Variants in SAMD11 observed in about 807,000 individuals in gnomAD.
SAMD11 encodes the protein sterile alpha motif domain containing 11.
SAMD11 carries 77 observed loss-of-function variants against 64.4 expected under a neutral mutation model. The ratio of observed to expected loss-of-function variants is 1.20; its 90% CI spans 0.99 to 1.44. SAMD11 has a LOEUF of 1.44. Among genes scored for constraint, SAMD11 ranks in the 40% most tolerant of loss-of-function variants. SAMD11 has a pLI of 0.00. For synonymous variants in SAMD11, 658 were observed against 421.9 expected (o/e 1.56, Z -6.86); for missense variants, 1,402 against 943.3 (o/e 1.49, Z -6.37).
At chr1:935,714 C>G (rs1473837186) in intron 4 of SAMD11, 58 bp from the exon 5 acceptor site, 3 of 1,607,466 alleles carry the variant, frequency 1.9e-6, no homozygotes, top group Non-Finnish European at 2.6e-6. Flanking sequence ...TGTGCCCAGG[C>G]TGGGCTCCAG....
chr1:936,524 T>G (rs1291563041), intron 5 of SAMD11, among the ~76,000 whole-genome samples: 1 of 152,028 alleles, frequency 6.6e-6, no homozygotes, highest in Non-Finnish European at 1.5e-5. Context: ...TGGTCACAGT[T>G]GTGGGGGGAC....
In SAMD11 at chr1:930,230, A is replaced by G. The variant is rs1365703744; in HGVS notation, c.685A>G (p.Ser229Gly). ...GAACCTGAAGAAGGAGCGAACTCCC[A>G]GCTTCTCTGCCAGCGATGGTGACAG... ...ARNLKKERTP[S>G]FSASDGDSDG... Residue 229 changes from serine (S) to glycine (G), a missense_variant, in exon 3 of 14, where the codon AGC (serine) becomes GGC (glycine). Physicochemically the swap from Ser to Gly is moderately conservative, Grantham distance 56. Coordinates refer to ENST00000616016, the MANE Select transcript of SAMD11 (RefSeq NM_001385641.1). The G allele has an allele frequency of 1.9e-6, 3 of 1,595,184 alleles. No homozygotes were observed. In the African/African-American group the frequency reaches 4.0e-5, roughly 21 times the overall value.
chr1:942,647 A>G lies in SAMD11; in HGVS notation c.1642A>G (p.Asn548Asp). Residue 548 changes from asparagine (N) to aspartate (D), a missense_variant, in exon 11 of 14, where the codon AAC becomes GAC. Asn to Asp is a conservative substitution (Grantham distance 23). Transcript: ENST00000616016. ...GGCGCCCGAGACCGCCCTGCGCCCC[A>G]ACGACGGCGCCGAGGAGCTGCAGCG... is the stretch of plus-strand genomic sequence containing the variant. The part of the protein sequence containing the change: ...LLAPETALRP[N>D]DGAEELQRRG... 1 of 1,437,104 alleles carries G rather than the reference A, an allele frequency of 7.0e-7. No individual in the cohort carries two copies. Among genetic ancestry groups the G allele is most frequent in the African/African-American group, 1.5e-5 (1 of 66,842 alleles). The allele number at this position is 1,437,104 out of a possible 1,614,324, so 89.0% of individuals were successfully genotyped here. A position where few individuals can be genotyped will look rare whatever the true frequency, so the allele number is the denominator to read the frequency against.
chr1:935,641 TG>T lies in SAMD11; in HGVS notation c.843-128del, dbSNP rs369150907. 78 of 1,257,324 alleles carry T rather than the reference TG, an allele frequency of 6.2e-5. No homozygotes were observed. The African/African-American group carries it at 1.0e-3, about 17-fold the overall frequency. The allele number at this position is 1,257,324 out of a possible 1,614,324, so 77.9% of individuals were successfully genotyped here. ...GCGTCACGGGCCACATGCCGAGGCG[TG>T]GGCACAGCAACGTGGCACTCAGAGG... On this transcript the variant is annotated intron_variant, in intron 4 of 13. Transcript: ENST00000616016.
chr1:937,464 G>C (rs1168122232), intron 5 of SAMD11, among the ~76,000 whole-genome samples: 2 of 151,562 alleles, frequency 1.3e-5, no homozygotes, highest in Non-Finnish European at 2.9e-5. Flanking sequence ...GAACGGAGAG[G>C]GTAGTTTCCA....
intron 4 of SAMD11, among the ~76,000 whole-genome samples, chr1:932,856 C>G (rs867345125): frequency 3.9e-5 from 6 of 152,240 alleles, no homozygotes; most frequent in Non-Finnish European, 8.8e-5. Context: ...AGATGCTCCT[C>G]GAGCCATTGT....
At position 943,246 on chromosome 1, in the gene SAMD11, A is replaced by T; in HGVS notation, c.2054-7A>T. ...CCAGAGCCCTAGTAACACGCCCCACAACTCAGGCGCGGTAGGGGGACTCTC... is the reference window on the plus strand; with the variant it reads ...CCAGAGCCCTAGTAACACGCCCCACTACTCAGGCGCGGTAGGGGGACTCTC... On this transcript the variant is annotated splice_region_variant and splice_polypyrimidine_tract_variant and intron_variant, in intron 11 of 13. Transcript: ENST00000616016. 6.2e-7 allele frequency: 1 copy of T among 1,612,780 alleles called. No homozygotes were observed. Among genetic ancestry groups the T allele is most frequent in the Non-Finnish European group, 8.5e-7 (1 of 1,179,808 alleles).
Position 933,354 on chromosome 1 carries a change from A to C in SAMD11, c.842+2265A>C, listed in dbSNP as rs895403861. ...CTCAGGAGCAAACTCCAAGGCAGAG[A>C]CCAGGGGCGGGGAGGGCAGGTGGCA... On this transcript the variant is annotated intron_variant, in intron 4 of 13. Transcript: ENST00000616016. 6.6e-5 allele frequency among the ~76,000 whole-genome samples: 10 copies of C among 152,222 alleles called. No homozygotes were observed. In the East Asian group the frequency reaches 1.9e-3, roughly 29 times the overall value.
Position 942,990 on chromosome 1 carries a change from A to C in SAMD11, c.1985A>C (p.Lys662Thr). The part of the protein sequence containing the change: ...APAGGAGAEG[K>T]GLFPGSTLPL... The stretch of plus-strand genomic sequence containing the variant: ...GCTGGAGGGGCCGGCGCCGAGGGGA[A>C]GGGGCTTTTCCCAGGGTCCACACTG... The change falls in exon 11 of 14, where the codon AAG (lysine) becomes ACG (threonine). Residue 662 changes from lysine (K) to threonine (T), a missense_variant. Physicochemically the swap from Lys to Thr is moderately conservative, Grantham distance 78 (BLOSUM62 -1). Transcript: ENST00000616016. 2 of 1,538,834 alleles carry C rather than the reference A, an allele frequency of 1.3e-6. No individual in the cohort carries two copies. Among genetic ancestry groups the C allele is most frequent in the Non-Finnish European group, 1.7e-6 (2 of 1,145,996 alleles).
Position 939,382 on chromosome 1 carries a change from C to G in SAMD11, c.1165C>G (p.Arg389Gly). 6.2e-7 allele frequency: 1 copy of G among 1,612,704 alleles called. No homozygotes were observed. The highest frequency in any genetic ancestry group is 2.2e-5 in the East Asian group (1 of 44,866). Residue 389 changes from arginine to glycine, a missense_variant, in exon 7 of 14, where the codon CGC becomes GGC. Coordinates refer to ENST00000616016, the MANE Select transcript of SAMD11 (RefSeq NM_001385641.1). ...GGCCAGCACCTTTGAGGACCCTCAG[C>G]GCCTCTACCACCTGGGCCTCCCCAG... ...SEASTFEDPQ[R>G]LYHLGLPSHD...
intron 1 of SAMD11, among the ~76,000 whole-genome samples, chr1:925,398 A>T (rs61338526): frequency 6.7e-6 from 1 of 150,016 alleles, no homozygotes; most frequent in Non-Finnish European, 1.5e-5. Flanking sequence ...GCCAGGTCAC[A>T]CAACCTGTTT....
At chr1:928,126 G>A (rs1228610478) in intron 2 of SAMD11, among the ~76,000 whole-genome samples, 4 of 152,202 alleles carry the variant, frequency 2.6e-5, no homozygotes, top group Admixed American at 6.5e-5. Flanking sequence ...GGGTGTGGTG[G>A]CGCATGCCTG....
At chr1:928,136 G>A (rs1640984131) in intron 2 of SAMD11, among the ~76,000 whole-genome samples, 2 of 152,226 alleles carry the variant, frequency 1.3e-5, no homozygotes, top group South Asian at 2.1e-4. Flanking sequence ...GCGCATGCCT[G>A]TAATCCCAGC....
rs1384031061 is a variant in SAMD11, at chr1:939,264, C to T, written c.1058-11C>T. ...CTGGAGAAACCTCTCACCCCGGGTC[C>T]TCCCCAGCAGAGGCGCTGCTGCTGC... On this transcript the variant is annotated splice_polypyrimidine_tract_variant and intron_variant, in intron 6 of 13. Coordinates refer to ENST00000616016, the MANE Select transcript of SAMD11 (RefSeq NM_001385641.1). The T allele has an allele frequency of 1.3e-6, 2 of 1,587,150 alleles. No homozygotes were observed. The highest frequency in any genetic ancestry group is 1.1e-5 in the South Asian group (1 of 87,486).
In SAMD11 at chr1:942,470, G is replaced by A. The variant is rs766527634; in HGVS notation, c.1535G>A (p.Arg512Gln). 9.1e-5 allele frequency: 136 copies of A among 1,487,234 alleles called. No homozygotes were observed. The highest frequency in any genetic ancestry group is 1.5e-5 in the African/African-American group (1 of 68,756). The allele number at this position is 1,487,234 out of a possible 1,614,324, so 92.1% of individuals were successfully genotyped here. A position where few individuals can be genotyped will look rare whatever the true frequency, so the allele number is the denominator to read the frequency against. The change falls in exon 10 of 14, where the codon CGG becomes CAG. Residue 512 changes from arginine to glutamine, a missense_variant. Transcript: ENST00000616016. ...EMFAWQQELL[R>Q]KQNLARLELP... Reference sequence around the variant, plus strand: ...TTCGCCTGGCAGCAGGAGCTCCTGCGGAAGCAGAACCTGGCCCGGTAGGTG... The same window carrying A: ...TTCGCCTGGCAGCAGGAGCTCCTGCAGAAGCAGAACCTGGCCCGGTAGGTG...
chr1:941,877 G>T (rs1056746810), intron 8 of SAMD11, among the ~76,000 whole-genome samples: 4 of 152,144 alleles, frequency 2.6e-5, no homozygotes, highest in Non-Finnish European at 5.9e-5. Context: ...CAGGGGAGGG[G>T]AGCAGGCGGG....
intron 2 of SAMD11, among the ~76,000 whole-genome samples, chr1:927,776 C>T (rs886557747): frequency 3.3e-5 from 5 of 152,244 alleles, no homozygotes; most frequent in African/African-American, 1.2e-4. Context: ...GATCTGTGTG[C>T]TGTGGCCGAG....
intron 7 of SAMD11, among the ~76,000 whole-genome samples, chr1:940,706 G>A (rs1641710924): frequency 6.6e-6 from 1 of 152,234 alleles, no homozygotes; most frequent in Non-Finnish European, 1.5e-5. Flanking sequence ...CCTTGCCTTT[G>A]TGACAAGCTT....
rs541881383 is a variant in SAMD11, at chr1:936,021, A to G, written c.967+125A>G. On this transcript the variant is annotated intron_variant, in intron 5 of 13. Transcript: ENST00000616016. ...AGGCAGGAGGAGCGGCCTGTCCCCC[A>G]GGGGCTGCATGGGATGGTAATTGTG... 7.6e-4 allele frequency: 757 copies of G among 1,001,636 alleles called. 10 individuals are homozygous for G. The East Asian group carries it at 0.02, about 26-fold the overall frequency. 62.0% of individuals were successfully genotyped at this position (1,001,636 alleles called of 1,614,324 possible). A position where few individuals can be genotyped will look rare whatever the true frequency, so the allele number is the denominator to read the frequency against.
Sources: gnomAD v4.1 joint callset for allele counts (sites outside exome capture counted in the v4.1 genomes callset) on GRCh38, gnomAD v4.1.1 for gene constraint, MANE v1.5 for transcripts, NCBI Gene and HGNC (gene_info 2026-07-23, HGNC 2026-07-21) for gene names.